ATP9B: variants seen among roughly 807,000 people sequenced by gnomAD.
ATP9B encodes probable phospholipid-transporting ATPase IIB.
In ATP9B, 110 loss-of-function variants were observed where a neutral mutation model predicts 146.1. The observed-to-expected ratio is 0.75, with a 90% CI of 0.65 to 0.88. ATP9B has a LOEUF of 0.88. Ranked by LOEUF, ATP9B falls within the 40% of genes least tolerant of loss-of-function variation. ATP9B has a pLI of 0.00. For missense variants in ATP9B, 1,499 were observed against 1,496.4 expected, an observed-to-expected ratio of 1.00 and a Z score of -0.03; for synonymous variants, 604 against 569.7, an observed-to-expected ratio of 1.06 and a Z score of -0.86.
At chr18:79,168,378 G>GT (rs57706892) in intron 7 of ATP9B, among the ~76,000 whole-genome samples, 46,736 of 143,576 alleles carry the variant, frequency 0.33, 8,007 homozygotes, top group East Asian at 0.5. Context: ...TTTTGATTTT[G>GT]TTTTTTTTTT....
chr18:79,097,805 T>C (rs2074927556), intron 2 of ATP9B, among the ~76,000 whole-genome samples: 1 of 146,084 alleles, frequency 6.8e-6, no homozygotes, highest in African/African-American at 2.7e-5. Context: ...GTTCCAAGTC[T>C]TTGCTATTGT....
intron 2 of ATP9B, among the ~76,000 whole-genome samples, chr18:79,107,562 C>G (rs1445027085): frequency 2.0e-5 from 3 of 151,918 alleles, no homozygotes; most frequent in Non-Finnish European, 2.9e-5. Flanking sequence ...TGTGTAGACT[C>G]CACTCTTGTC....
At position 79,110,315 on chromosome 18, in the gene ATP9B, C is replaced by CA. The variant is rs374633642; in HGVS notation, c.294-31dup. On this transcript the variant is annotated intron_variant, in intron 2 of 29. Transcript: ENST00000426216. ...AATTAGTTTGAACTTTTTTAAAAAG[C>CA]AAAAAAAAATACACAATACGTATCT... 1,145 of 1,434,264 alleles carry CA rather than the reference C, an allele frequency of 8.0e-4. 5 individuals are homozygous for CA. The African/African-American group carries it at 8.5e-3, about 11-fold the overall frequency. 88.8% of individuals were successfully genotyped at this position (1,434,264 alleles called of 1,614,324 possible).
At chr18:79,130,038 G>A (rs868094193) in intron 5 of ATP9B, among the ~76,000 whole-genome samples, 5 of 151,952 alleles carry the variant, frequency 3.3e-5, no homozygotes, top group South Asian at 2.1e-4. Context: ...CACTGCACCC[G>A]GCGTATGTCC....
At chr18:79,329,430 GT>G (rs564440689) in intron 16 of ATP9B, 128 bp downstream of exon 16, 27,818 of 773,908 alleles carry the variant, frequency 0.036, no homozygotes, top group South Asian at 0.045. Context: ...AGTTTTGTTT[GT>G]TTTTTTTTTT....
chr18:79,366,458 G>A (rs56297023), intron 26 of ATP9B, among the ~76,000 whole-genome samples: 34,472 of 152,134 alleles, frequency 0.23, 4,527 homozygotes, highest in East Asian at 0.45. Context: ...CGTGGGCTGC[G>A]TTTGGCATTT....
intron 1 of ATP9B, among the ~76,000 whole-genome samples, 186 bp from the exon 2 acceptor site, chr18:79,096,290 G>T (rs1166831266): frequency 6.6e-6 from 1 of 152,140 alleles, no homozygotes. Context: ...CACAGGTCTC[G>T]TTGGGCAGCT....
At chr18:79,151,834 T>C (rs1474409202) in intron 6 of ATP9B, among the ~76,000 whole-genome samples, 1 of 152,116 alleles carries the variant, frequency 6.6e-6, no homozygotes, top group African/African-American at 2.4e-5. Flanking sequence ...CAACCCGTCG[T>C]CTACATTAGG....
In ATP9B at chr18:79,303,724, G is replaced by C; in HGVS notation, c.1524+8G>C. The C allele has an allele frequency of 6.2e-7, 1 of 1,607,006 alleles. No individual in the cohort carries two copies. Among genetic ancestry groups the C allele is most frequent in the Non-Finnish European group, 8.5e-7 (1 of 1,174,238 alleles). ...AGGGACTCCTACTCACAGGTAAGTG[G>C]GTTCCTCCTGCACGGGGTCTGCTTC... On this transcript the variant is annotated splice_region_variant and intron_variant, in intron 14 of 29. Coordinates refer to ENST00000426216, the MANE Select transcript of ATP9B (RefSeq NM_198531.5).
intron 13 of ATP9B, among the ~76,000 whole-genome samples, chr18:79,279,734 C>T (rs974563322): frequency 2.0e-5 from 3 of 152,156 alleles, no homozygotes; most frequent in African/African-American, 7.2e-5. Context: ...GCCCTTAAGA[C>T]CGAAATACAT....
At chr18:79,102,213 A>T (rs997385984) in intron 2 of ATP9B, among the ~76,000 whole-genome samples, 2 of 152,196 alleles carry the variant, frequency 1.3e-5, no homozygotes, top group Non-Finnish European at 2.9e-5. Context: ...CACTGGATCC[A>T]GTGTTTTTAA....
chr18:79,188,512 C>T (rs1384514445), intron 8 of ATP9B, among the ~76,000 whole-genome samples: 3 of 152,162 alleles, frequency 2.0e-5, no homozygotes, highest in African/African-American at 4.8e-5. Flanking sequence ...CCTGTCTTTT[C>T]CTTCACCGGT....
intron 13 of ATP9B, among the ~76,000 whole-genome samples, chr18:79,296,492 A>T (rs2096548750): frequency 6.6e-6 from 1 of 152,262 alleles, no homozygotes; most frequent in South Asian, 2.1e-4. Context: ...GTCAATAACG[A>T]GGTAAAAAAC....
At chr18:79,210,408 G>T (rs115306541) in intron 10 of ATP9B, among the ~76,000 whole-genome samples, 2,312 of 152,260 alleles carry the variant, frequency 0.015, 60 homozygotes, top group African/African-American at 0.053. Flanking sequence ...GCCGTGTGGT[G>T]TCTAGACCTG....
chr18:79,122,571 A>G (rs934462066), intron 4 of ATP9B, among the ~76,000 whole-genome samples: 4 of 152,098 alleles, frequency 2.6e-5, no homozygotes, highest in African/African-American at 9.7e-5. Context: ...GTTATTTCTA[A>G]TTTTTCATAT....
chr18:79,370,284 G>A (rs1439473840), intron 26 of ATP9B, among the ~76,000 whole-genome samples: 9 of 152,036 alleles, frequency 5.9e-5, no homozygotes, highest in Admixed American at 3.9e-4. Context: ...TTTCATGCAC[G>A]TGAGCCACAT....
At chr18:79,184,060 A>G (rs1317378543) in intron 8 of ATP9B, among the ~76,000 whole-genome samples, 1 of 152,082 alleles carries the variant, frequency 6.6e-6, no homozygotes. Flanking sequence ...GTAAATATTT[A>G]TATGTTTTCT....
intron 13 of ATP9B, among the ~76,000 whole-genome samples, chr18:79,286,922 A>G (rs1350868690): frequency 2.6e-5 from 4 of 152,212 alleles, no homozygotes; most frequent in Non-Finnish European, 5.9e-5. Flanking sequence ...GATTACATTT[A>G]TTGATTTGCG....
intron 8 of ATP9B, among the ~76,000 whole-genome samples, chr18:79,179,018 G>A (rs938935990): frequency 6.6e-6 from 1 of 152,300 alleles, no homozygotes; most frequent in South Asian, 2.1e-4. Flanking sequence ...ACACTTGATT[G>A]TGAATTGAAT....
Sources: allele counts gnomAD v4.1 joint callset (sites outside exome capture counted in the v4.1 genomes callset), GRCh38; gene constraint gnomAD v4.1.1; transcripts MANE v1.5; gene names NCBI Gene and HGNC (gene_info 2026-07-23, HGNC 2026-07-21).